Variants in ZNF169 observed in about 807,000 individuals in gnomAD.
ZNF169 encodes the protein zinc finger protein 169.
Under a neutral mutation model 12.0 loss-of-function variants are expected in ZNF169, and 11 were observed. The observed-to-expected ratio is 0.92, with a 90% CI of 0.58 to 1.52. The LOEUF (loss-of-function observed/expected upper bound fraction) is 1.52. Among genes scored for constraint, ZNF169 ranks in the 40% most tolerant of loss-of-function variants. ZNF169 has a pLI of 0.00. For synonymous variants in ZNF169, 302 were observed against 286.5 expected (o/e 1.05, Z -0.55); for missense variants, 722 against 744.0 (o/e 0.97, Z 0.34).
rs1166646424 is a variant in ZNF169, at chr9:94,301,808, C to T, written c.*438C>T. Among the ~76,000 whole-genome samples, 4 of 152,150 alleles carry T rather than the reference C, an allele frequency of 2.6e-5. No homozygotes were observed. Among genetic ancestry groups the T allele is most frequent in the Non-Finnish European group, 5.9e-5 (4 of 68,042 alleles). On this transcript the variant is annotated 3_prime_UTR_variant, in exon 5 of 5. Coordinates refer to ENST00000395395, the MANE Select transcript of ZNF169 (RefSeq NM_194320.4). ...ACATGGCCTCGTTTAACCTTAATAA[C>T]CTTCCTAAAGGCCTTATCTCTAGAT... is the stretch of plus-strand genomic sequence containing the variant.
At position 94,278,431 on chromosome 9, in the gene ZNF169, T is replaced by G. The variant is rs547813666; in HGVS notation, c.-55-327T>G. Reference sequence around the variant, plus strand: ...TGGGATGCTTTTGTTTTCAGTATGATGAGGCATTTTATTTTTTAACATGAA... The same window carrying G: ...TGGGATGCTTTTGTTTTCAGTATGAGGAGGCATTTTATTTTTTAACATGAA... On this transcript the variant is annotated intron_variant, in intron 1 of 4. Transcript: ENST00000395395. 3.3e-5 allele frequency among the ~76,000 whole-genome samples: 5 copies of G among 152,344 alleles called. No individual in the cohort carries two copies. The East Asian group carries it at 9.6e-4, about 29-fold the overall frequency.
rs1199250828 is a variant in ZNF169 at position 94,277,931 on chromosome 9, C to CA, written c.-55-816dup. Among the ~76,000 whole-genome samples the CA allele has an allele frequency of 2.2e-3, 187 of 86,462 alleles. 1 individual carries two copies. The highest frequency in any genetic ancestry group is 7.8e-3 in the Middle Eastern group (1 of 128). 56.7% of individuals were successfully genotyped at this position (86,462 alleles called of 152,430 possible). ...TGGGCCACAGAGCGAGACTCCGACTCAAAAAAAAAAAGAAAAAAGAAAAAT... is the reference window on the plus strand; with the variant it reads ...TGGGCCACAGAGCGAGACTCCGACTCAAAAAAAAAAAAGAAAAAAGAAAAAT... On this transcript the variant is annotated intron_variant, in intron 1 of 4. Transcript: ENST00000395395.
chr9:94,299,105 A>G (rs1431883888), intron 4 of ZNF169, among the ~76,000 whole-genome samples: 3 of 152,214 alleles, frequency 2.0e-5, no homozygotes, highest in African/African-American at 4.8e-5. Flanking sequence ...GTGTTGTGCA[A>G]TGCTATTCGG....
intron 1 of ZNF169, among the ~76,000 whole-genome samples, chr9:94,268,927 T>C (rs1020860040): frequency 9.9e-5 from 15 of 150,838 alleles, no homozygotes; most frequent in African/African-American, 3.4e-4. Flanking sequence ...AAACTTTTGC[T>C]CAAAAAGACA....
In ZNF169 at chr9:94,300,477, A is replaced by G. The variant is rs1486036861; in HGVS notation, c.919A>G (p.Asn307Asp). The G allele has an allele frequency of 1.2e-6, 2 of 1,614,192 alleles. No homozygotes were observed. Among genetic ancestry groups the G allele is most frequent in the East Asian group, 4.5e-5 (2 of 44,888 alleles). ...CTTCAGGTATACATCCTCTCTCACTAATCACAAGAGGATTCACTCCGGGGA... is the reference window on the plus strand; with the variant it reads ...CTTCAGGTATACATCCTCTCTCACTGATCACAAGAGGATTCACTCCGGGGA... ...RHFRYTSSLT[N>D]HKRIHSGERP... Residue 307 changes from asparagine (N) to aspartate (D), a missense_variant, in exon 5 of 5, where the codon AAT becomes GAT. By Grantham distance (23) the Asn-to-Asp change is conservative. Transcript: ENST00000395395.
At chr9:94,273,722 G>A (rs1830470132) in intron 1 of ZNF169, among the ~76,000 whole-genome samples, 1 of 151,748 alleles carries the variant, frequency 6.6e-6, no homozygotes, top group South Asian at 2.1e-4. Context: ...TGGGACTACA[G>A]GCACCTGCCA....
At chr9:94,266,589 C>T (rs1830297741) in intron 1 of ZNF169, among the ~76,000 whole-genome samples, 1 of 151,788 alleles carries the variant, frequency 6.6e-6, no homozygotes, top group Non-Finnish European at 1.5e-5. Flanking sequence ...CAAGAAGGCA[C>T]AGCTTAGGTT....
intron 4 of ZNF169, 108 bp from the exon 5 acceptor site, chr9:94,299,707 G>A: frequency 7.4e-6 from 11 of 1,486,518 alleles, no homozygotes; most frequent in Non-Finnish European, 9.8e-6. Context: ...GTGCCCTTGT[G>A]GGTTGGAAGA....
chr9:94,287,952 T>C lies in ZNF169; in HGVS notation c.34-4389T>C, dbSNP rs541927539. Reference sequence around the variant, plus strand: ...GAGATTGACAGCAGTCTCCAACTTCTTGTTCACCTTCTAGTAAATGGAGCT... The same window carrying C: ...GAGATTGACAGCAGTCTCCAACTTCCTGTTCACCTTCTAGTAAATGGAGCT... On this transcript the variant is annotated intron_variant, in intron 2 of 4. Coordinates refer to ENST00000395395, the MANE Select transcript of ZNF169 (RefSeq NM_194320.4). 7.2e-6 allele frequency: 6 copies of C among 832,384 alleles called. No individual in the cohort carries two copies. In the South Asian group the frequency reaches 8.0e-5, roughly 11 times the overall value. 51.6% of individuals were successfully genotyped at this position (832,384 alleles called of 1,614,324 possible). A position where few individuals can be genotyped will look rare whatever the true frequency, so the allele number is the denominator to read the frequency against.
At chr9:94,292,502 T>C in intron 3 of ZNF169, 35 bp downstream of exon 3, 7 of 1,591,820 alleles carry the variant, frequency 4.4e-6, no homozygotes, top group Non-Finnish European at 4.3e-6. Flanking sequence ...CAGATTCTGC[T>C]TGTGGGTATT....
At chr9:94,260,937 A>C (rs575904001) in intron 1 of ZNF169, among the ~76,000 whole-genome samples, 11 of 145,342 alleles carry the variant, frequency 7.6e-5, no homozygotes, top group African/African-American at 2.8e-4. Context: ...TCTCTGCCTC[A>C]GGCTCCTGAG....
rs765632609 is a variant in ZNF169, at chr9:94,281,783, G to C, written c.33+2938G>C. Among the ~76,000 whole-genome samples the C allele has an allele frequency of 1.4e-4, 22 of 152,284 alleles. No individual in the cohort carries two copies. The East Asian group carries it at 4.2e-3, about 29-fold the overall frequency. On this transcript the variant is annotated intron_variant, in intron 2 of 4. Coordinates refer to ENST00000395395, the MANE Select transcript of ZNF169 (RefSeq NM_194320.4). Reference sequence around the variant, plus strand: ...CTATAGGTAAATTTAAACATTTTCTGGTTGACGGTTGAGTTTGTCTGAAGA... The same window carrying C: ...CTATAGGTAAATTTAAACATTTTCTCGTTGACGGTTGAGTTTGTCTGAAGA...
At chr9:94,262,691 C>T (rs1330383759) in intron 1 of ZNF169, among the ~76,000 whole-genome samples, 2 of 152,052 alleles carry the variant, frequency 1.3e-5, no homozygotes, top group Non-Finnish European at 2.9e-5. Context: ...GATCTCCTAA[C>T]CTCGTGATCC....
At chr9:94,277,886 T>TGC (rs1219358628) in intron 1 of ZNF169, among the ~76,000 whole-genome samples, 1 of 149,754 alleles carries the variant, frequency 6.7e-6, no homozygotes, top group African/African-American at 2.5e-5. Context: ...GAGCCGAGAT[T>TGC]GCGCCACTGC....
intron 1 of ZNF169, among the ~76,000 whole-genome samples, chr9:94,273,575 CTTTCT>C (rs1257084401): frequency 1.8e-5 from 2 of 109,964 alleles, no homozygotes; most frequent in East Asian, 6.9e-4. Flanking sequence ...AACTTTCTTT[CTTTCT>C]TTTTTTTTTT....
chr9:94,264,441 A>G (rs1019521851), intron 1 of ZNF169, among the ~76,000 whole-genome samples: 7 of 152,136 alleles, frequency 4.6e-5, no homozygotes, highest in Non-Finnish European at 8.8e-5. Flanking sequence ...CTTCAGTTGT[A>G]TATGTTAAAG....
chr9:94,287,296 G>A (rs1357061536), intron 2 of ZNF169, among the ~76,000 whole-genome samples: 1 of 152,174 alleles, frequency 6.6e-6, no homozygotes, highest in African/African-American at 2.4e-5. Flanking sequence ...AGCAATACTT[G>A]CATCCCAGAC....
intron 4 of ZNF169, chr9:94,296,934 C>G (rs945137513): frequency 1.5e-5 from 6 of 405,336 alleles, no homozygotes; most frequent in African/African-American, 8.4e-5. Context: ...GTAATCACAG[C>G]TACTCGGGAG....
In ZNF169 at chr9:94,300,131, G is replaced by T. The variant is rs147285936; in HGVS notation, c.573G>T (p.Arg191Ser). Reference sequence around the variant, plus strand: ...GAACAGACCTTCGCCTGGCCCAAAGGATGAGTCTTGGGGGGTCAGACACAA... The same window carrying T: ...GAACAGACCTTCGCCTGGCCCAAAGTATGAGTCTTGGGGGGTCAGACACAA... ...EGGTDLRLAQ[R>S]MSLGGSDTML... The change falls in exon 5 of 5, where the codon AGG becomes AGT. Residue 191 changes from arginine to serine, a missense_variant. Coordinates refer to ENST00000395395, the MANE Select transcript of ZNF169 (RefSeq NM_194320.4). 1.9e-4 allele frequency: 302 copies of T among 1,614,176 alleles called. No homozygotes were observed. In the African/African-American group the frequency reaches 3.4e-3, roughly 18 times the overall value.
Sources: allele counts gnomAD v4.1 joint callset (sites outside exome capture counted in the v4.1 genomes callset), GRCh38; gene constraint gnomAD v4.1.1; transcripts MANE v1.5; gene names NCBI Gene and HGNC (gene_info 2026-07-23, HGNC 2026-07-21).